The following JAK2 variants were observed in gnomAD, a reference collection of about 807,000 sequenced individuals.
JAK2 encodes the protein tyrosine-protein kinase JAK2.
A neutral mutation model predicts 139.3 loss-of-function variants in JAK2; 86 were observed. The observed-to-expected ratio is 0.62, with a 90% CI of 0.52 to 0.74. The LOEUF (loss-of-function observed/expected upper bound fraction) is 0.74, where lower values mean the gene tolerates loss of function less well. JAK2 is among the 30% of genes least tolerant of loss of function. The pLI is 0.00. For missense variants in JAK2, 1,421 were observed against 1,360.3 expected (o/e 1.04, Z -0.70); for synonymous variants, 490 against 437.7 (o/e 1.12, Z -1.49).
intron 22 of JAK2, among the ~76,000 whole-genome samples, chr9:5,095,640 C>G (rs886423569): frequency 3.3e-5 from 5 of 152,114 alleles, no homozygotes; most frequent in African/African-American, 1.2e-4. Flanking sequence ...TAGCCCCTAT[C>G]TCAATTATAT....
At chr9:5,056,818 G>T (rs1199338153) in intron 8 of JAK2, among the ~76,000 whole-genome samples, 2 of 152,136 alleles carry the variant, frequency 1.3e-5, no homozygotes, top group Non-Finnish European at 2.9e-5. Flanking sequence ...ACTTCTCCAT[G>T]GGACTGTATT....
chr9:5,001,205 A>T (rs57291545), intron 2 of JAK2, among the ~76,000 whole-genome samples: 39,885 of 151,790 alleles, frequency 0.26, 5,368 homozygotes, highest in Middle Eastern at 0.37. Context: ...TTCTTACCAG[A>T]TTGCATTAGG....
intron 22 of JAK2, chr9:5,111,541 CG>C: frequency 2.7e-6 from 1 of 370,450 alleles, no homozygotes; most frequent in South Asian, 2.1e-5. Context: ...GCGCCTGTCC[CG>C]CCCCCTTCTA....
chr9:5,036,510 T>C (rs1489368793), intron 4 of JAK2, among the ~76,000 whole-genome samples: 1 of 152,204 alleles, frequency 6.6e-6, no homozygotes. Flanking sequence ...AACAGCATGG[T>C]ACTGGTATCA....
intron 23 of JAK2, among the ~76,000 whole-genome samples, chr9:5,123,884 T>C (rs990363566): frequency 6.6e-6 from 1 of 151,378 alleles, no homozygotes; most frequent in Non-Finnish European, 1.5e-5. Context: ...GGGTAATTTT[T>C]TCTCTTTTTT....
At chr9:5,101,321 G>A (rs1292383818) in intron 22 of JAK2, among the ~76,000 whole-genome samples, 1 of 152,244 alleles carries the variant, frequency 6.6e-6, no homozygotes, top group Non-Finnish European at 1.5e-5. Flanking sequence ...CAGCAGCCTG[G>A]CAGGCGGAGG....
intron 22 of JAK2, among the ~76,000 whole-genome samples, chr9:5,118,793 T>A (rs1260077293): frequency 6.6e-6 from 1 of 152,186 alleles, no homozygotes; most frequent in Non-Finnish European, 1.5e-5. Flanking sequence ...CCATTAAAAA[T>A]TATCTGTTAT....
At chr9:5,004,864 C>T (rs1333982066) in intron 2 of JAK2, among the ~76,000 whole-genome samples, 2 of 150,754 alleles carry the variant, frequency 1.3e-5, no homozygotes, top group Non-Finnish European at 3.0e-5. Context: ...TTTTAATTTG[C>T]ATTTAGTGAT....
chr9:5,074,757 A>G (rs1586743659), intron 14 of JAK2, among the ~76,000 whole-genome samples: 1 of 152,228 alleles, frequency 6.6e-6, no homozygotes, highest in East Asian at 1.9e-4. Context: ...ATGGAAAGCT[A>G]GAAATGAAGC....
intron 1 of JAK2, 66 bp downstream of exon 1, chr9:4,985,696 C>G (rs748809819): frequency 1.3e-5 from 2 of 152,654 alleles, no homozygotes; most frequent in African/African-American, 4.8e-5. Flanking sequence ...CCCTTCCTAC[C>G]TTTTGGTCCC....
At chr9:5,005,131 T>G (rs1390754249) in intron 2 of JAK2, among the ~76,000 whole-genome samples, 138 of 111,992 alleles carry the variant, frequency 1.2e-3, no homozygotes, top group Non-Finnish European at 2.1e-3. Flanking sequence ...TTTTTTTTTT[T>G]TAGGTACAGG....
At chr9:5,064,598 T>A (rs1001112306) in intron 8 of JAK2, among the ~76,000 whole-genome samples, 2 of 152,150 alleles carry the variant, frequency 1.3e-5, no homozygotes, top group Non-Finnish European at 2.9e-5. Context: ...TTAAATAGAT[T>A]TCTAGCTGAG....
chr9:5,024,948 A>G (rs757450918), intron 3 of JAK2, among the ~76,000 whole-genome samples: 3 of 152,170 alleles, frequency 2.0e-5, no homozygotes, highest in Non-Finnish European at 4.4e-5. Context: ...TTGCTTAACT[A>G]GGGGGAGTGG....
At chr9:5,042,302 T>C (rs1816640168) in intron 4 of JAK2, among the ~76,000 whole-genome samples, 1 of 148,778 alleles carries the variant, frequency 6.7e-6, no homozygotes, top group Non-Finnish European at 1.5e-5. Flanking sequence ...CGCGCCCGGC[T>C]AATTTTTTGT....
chr9:5,126,737 C>T lies in JAK2; in HGVS notation c.3345C>T (p.Ser1115=). ...CWNNNVNQRP[S]FRDLALRVDQ... ...ACAATAATGTAAATCAACGCCCCTC[C>T]TTTAGGGATCTAGCTCTTCGAGTGG... The change falls in exon 25 of 25, where the codon TCC becomes TCT. Residue 1115 remains serine (S), a synonymous_variant. Transcript: ENST00000381652. 1 of 1,611,136 alleles carries T rather than the reference C, an allele frequency of 6.2e-7. No individual in the cohort carries two copies. The highest frequency in any genetic ancestry group is 8.5e-7 in the Non-Finnish European group (1 of 1,177,794).
intron 12 of JAK2, 136 bp downstream of exon 12, chr9:5,070,188 A>G: frequency 9.8e-6 from 5 of 509,092 alleles, no homozygotes; most frequent in Non-Finnish European, 1.6e-5. Flanking sequence ...TTTTCTTATG[A>G]AAAATATGCC....
intron 5 of JAK2, 119 bp from the exon 6 acceptor site, chr9:5,050,567 G>A: frequency 2.9e-6 from 3 of 1,044,330 alleles, no homozygotes; most frequent in Non-Finnish European, 4.1e-6. Context: ...CACTGAGCCT[G>A]GCCAATTTGT....
intron 5 of JAK2, among the ~76,000 whole-genome samples, chr9:5,049,296 G>C (rs749174057): frequency 6.6e-6 from 1 of 152,136 alleles, no homozygotes; most frequent in Non-Finnish European, 1.5e-5. Context: ...GGTCATTCAA[G>C]GGTACCTGCA....
chr9:5,110,841 T>C, intron 22 of JAK2: 1 of 460,996 alleles, frequency 2.2e-6, no homozygotes. Context: ...TCGGGGAAGG[T>C]GGGGGGGACG....
Sources: allele counts gnomAD v4.1 joint callset (sites outside exome capture counted in the v4.1 genomes callset), GRCh38; gene constraint gnomAD v4.1.1; transcripts MANE v1.5; gene names NCBI Gene and HGNC (gene_info 2026-07-23, HGNC 2026-07-21).